The following BIRC6 variants were observed in gnomAD, a reference collection of about 807,000 sequenced individuals.
The protein encoded by BIRC6 is baculoviral IAP repeat containing 6, also known as dual E2 ubiquitin-conjugating enzyme/E3 ubiquitin-protein ligase BIRC6.
BIRC6 carries 98 observed loss-of-function variants against 503.3 expected under a neutral mutation model. The observed-to-expected ratio is 0.19, with a 90% CI of 0.17 to 0.23. BIRC6 has a LOEUF of 0.23. BIRC6 is among the 10% of genes least tolerant of loss of function. The pLI, the probability that BIRC6 is intolerant of heterozygous loss-of-function variation, is 1.00. For missense variants in BIRC6, 5,360 were observed against 5,806.0 expected (o/e 0.92, Z 2.50); for synonymous variants, 2,240 against 2,078.7 (o/e 1.08, Z -2.11).
At position 32,461,300 on chromosome 2, in the gene BIRC6, C is replaced by T. The variant is rs1054783939; in HGVS notation, c.4754-1894C>T. Among the ~76,000 whole-genome samples the T allele has an allele frequency of 1.4e-4, 21 of 150,108 alleles. No individual in the cohort carries two copies. The East Asian group carries it at 4.0e-3, about 28-fold the overall frequency. ...TCAAGTGTTTCTCATGCCTCAGCCT[C>T]CTGAGTAGCTGGGATTGGAGGCTTG... On this transcript the variant is annotated intron_variant, in intron 23 of 73. Coordinates refer to ENST00000421745, the MANE Select transcript of BIRC6 (RefSeq NM_016252.4).
intron 26 of BIRC6, 87 bp downstream of exon 26, chr2:32,465,251 T>A (rs2048421919): frequency 1.9e-4 from 28 of 146,186 alleles, no homozygotes; most frequent in South Asian, 1.8e-3. Context: ...TCAGTTCGAT[T>A]TTTTTTTTTT....
intron 71 of BIRC6, among the ~76,000 whole-genome samples, chr2:32,605,990 G>A (rs1364189778): frequency 1.3e-5 from 2 of 152,056 alleles, no homozygotes; most frequent in East Asian, 1.9e-4. Context: ...CGTTACTTTC[G>A]AGTACTCATT....
intron 10 of BIRC6, among the ~76,000 whole-genome samples, chr2:32,422,711 C>T (rs191153160): frequency 6.6e-6 from 1 of 152,094 alleles, no homozygotes; most frequent in African/African-American, 2.4e-5. Flanking sequence ...CAAACTCTAA[C>T]TAGTTTTGGG....
In BIRC6 at chr2:32,388,763, C is replaced by G. The variant is rs141023338; in HGVS notation, c.659C>G (p.Thr220Arg). 6.2e-7 allele frequency: 1 copy of G among 1,601,012 alleles called. No homozygotes were observed. Among genetic ancestry groups the G allele is most frequent in the East Asian group, 2.3e-5 (1 of 44,360 alleles). Reference sequence around the variant, plus strand: ...ATTTTCTTTCAGTGGGCCACAGTTACATTTCATCTTCCTCATCATGTGTTG... The same window carrying G: ...ATTTTCTTTCAGTGGGCCACAGTTAGATTTCATCTTCCTCATCATGTGTTG... Reference protein sequence around the residue: ...NHKVAKWATVTFHLPHHVLKS... With the variant: ...NHKVAKWATVRFHLPHHVLKS... Residue 220 changes from threonine to arginine, a missense_variant, in exon 4 of 74, where the codon ACA (threonine) becomes AGA (arginine). Thr to Arg is a moderately conservative substitution (Grantham distance 71). This residue lies in a region of BIRC6 where 134 missense variants were observed against 150.9 expected (regional missense o/e 0.89). Transcript: ENST00000421745.
chr2:32,409,563 GAAA>G (rs2041628002), intron 9 of BIRC6, among the ~76,000 whole-genome samples: 1 of 152,156 alleles, frequency 6.6e-6, no homozygotes, highest in Admixed American at 6.5e-5. Context: ...ACTGCATAGG[GAAA>G]AGTTTGGTAT....
chr2:32,598,400 A>G (rs181398350), intron 69 of BIRC6, among the ~76,000 whole-genome samples: 6 of 152,296 alleles, frequency 3.9e-5, no homozygotes, highest in African/African-American at 1.4e-4. Context: ...TTGTCATCCA[A>G]GATACTTCTC....
In BIRC6 at chr2:32,576,954, T is replaced by G. The variant is rs559101481; in HGVS notation, c.13355+1588T>G. Among the ~76,000 whole-genome samples the G allele has an allele frequency of 2.6e-4, 40 of 152,310 alleles. No individual in the cohort carries two copies. In the South Asian group the frequency reaches 8.1e-3, roughly 31 times the overall value. Reference sequence around the variant, plus strand: ...GGAAAATGTAAAGGTATATTTTCTTTGATAGTGTGATATTTTTTCTTTTGT... The same window carrying G: ...GGAAAATGTAAAGGTATATTTTCTTGGATAGTGTGATATTTTTTCTTTTGT... On this transcript the variant is annotated intron_variant, in intron 66 of 73. Transcript: ENST00000421745.
chr2:32,556,147 T>C (rs1319077711), intron 65 of BIRC6, among the ~76,000 whole-genome samples: 1 of 152,194 alleles, frequency 6.6e-6, no homozygotes, highest in Non-Finnish European at 1.5e-5. Flanking sequence ...CAACAAATGT[T>C]AATTCCTTTT....
At chr2:32,573,021 C>T (rs985309376) in intron 65 of BIRC6, among the ~76,000 whole-genome samples, 1 of 152,186 alleles carries the variant, frequency 6.6e-6, no homozygotes, top group Non-Finnish European at 1.5e-5. Flanking sequence ...GTTGGACTCC[C>T]ACAATTCTCC....
chr2:32,558,293 T>C (rs900884729), intron 65 of BIRC6, among the ~76,000 whole-genome samples: 1 of 150,908 alleles, frequency 6.6e-6, no homozygotes, highest in Non-Finnish European at 1.5e-5. Context: ...TAGGCTGATG[T>C]ATTTAATGTG....
In BIRC6 at chr2:32,443,497, C is replaced by T. The variant is rs137900404; in HGVS notation, c.4245C>T (p.Gly1415=). 34 of 1,599,902 alleles carry T rather than the reference C, an allele frequency of 2.1e-5. No homozygotes were observed. The highest frequency in any genetic ancestry group is 2.8e-5 in the Non-Finnish European group (33 of 1,173,914). Residue 1415 remains glycine, a synonymous_variant, in exon 20 of 74, where the codon GGC becomes GGT. Coordinates refer to ENST00000421745, the MANE Select transcript of BIRC6 (RefSeq NM_016252.4). The part of the protein sequence containing the change: ...ARFLALCISN[G]KCDPCQPAFG... Reference sequence around the variant, plus strand: ...CTTTTTAAAAATTTTTCAGTAATGGCAAATGTGACCCATGTCAACCAGCAT... The same window carrying T: ...CTTTTTAAAAATTTTTCAGTAATGGTAAATGTGACCCATGTCAACCAGCAT...
intron 34 of BIRC6, 108 bp downstream of exon 34, chr2:32,476,452 C>A (rs2049775627): frequency 3.3e-6 from 4 of 1,209,782 alleles, no homozygotes; most frequent in African/African-American, 1.6e-5. Flanking sequence ...AACAGAGAAG[C>A]CAACCTACTC....
chr2:32,418,562 A>C (rs1270089713), intron 10 of BIRC6, among the ~76,000 whole-genome samples: 1 of 152,224 alleles, frequency 6.6e-6, no homozygotes, highest in African/African-American at 2.4e-5. Context: ...AGATTTAAAA[A>C]TTGACAATTA....
intron 26 of BIRC6, among the ~76,000 whole-genome samples, chr2:32,467,080 C>G (rs1266529071): frequency 6.7e-6 from 1 of 149,040 alleles, no homozygotes; most frequent in Admixed American, 6.7e-5. Context: ...GATCGCGCCA[C>G]TGCACTCCAG....
intron 8 of BIRC6, 23 bp from the exon 9 acceptor site, chr2:32,406,476 T>G: frequency 6.4e-7 from 1 of 1,573,000 alleles, no homozygotes. Context: ...ATTCAAATTG[T>G]TTACTTTGTT....
In BIRC6 at chr2:32,414,909, G is replaced by A. The variant is rs146628985; in HGVS notation, c.1618G>A (p.Ala540Thr). ...DTVKDLEELG[A>T]NPCLTNSKSE... is the part of the protein sequence containing the mutation. Reference sequence around the variant, plus strand: ...TGTTAAGGATCTTGAAGAACTTGGGGCAAATCCTTGTTTAACAAACTCTAA... The same window carrying A: ...TGTTAAGGATCTTGAAGAACTTGGGACAAATCCTTGTTTAACAAACTCTAA... Residue 540 changes from alanine to threonine, a missense_variant, in exon 10 of 74, where the codon GCA becomes ACA. By Grantham distance (58) the Ala-to-Thr change is moderately conservative (BLOSUM62 0). Transcript: ENST00000421745. 6 of 1,613,808 alleles carry A rather than the reference G, an allele frequency of 3.7e-6. No homozygotes were observed. In the African/African-American group the frequency reaches 8.0e-5, roughly 22 times the overall value.
At position 32,447,150 on chromosome 2, in the gene BIRC6, C is replaced by T. The variant is rs1349126606; in HGVS notation, c.4484+1482C>T. 5.6e-3 allele frequency among the ~76,000 whole-genome samples: 819 copies of T among 146,936 alleles called. 6 individuals are homozygous for T. The highest frequency in any genetic ancestry group is 0.019 in the African/African-American group (725 of 38,668). On this transcript the variant is annotated intron_variant, in intron 21 of 73. Coordinates refer to ENST00000421745, the MANE Select transcript of BIRC6 (RefSeq NM_016252.4). ...AAAATGAAAAGTCTCCCATGTCTAC[C>T]TCTATCCACACAGACCCGGCAACCA...
intron 62 of BIRC6, among the ~76,000 whole-genome samples, 163 bp from the exon 63 acceptor site, chr2:32,545,480 A>T (rs944932684): frequency 2.8e-4 from 42 of 152,118 alleles, no homozygotes; most frequent in Admixed American, 2.7e-3. Context: ...TTCGTTATTA[A>T]ATTTTAAGAT....
chr2:32,489,328 G>A (rs944279617), intron 42 of BIRC6, among the ~76,000 whole-genome samples: 2 of 151,988 alleles, frequency 1.3e-5, no homozygotes, highest in Admixed American at 1.3e-4. Flanking sequence ...TCCAATGTGA[G>A]TGCCAGCTCC....
Sources: allele counts gnomAD v4.1 joint callset (sites outside exome capture counted in the v4.1 genomes callset), GRCh38; gene constraint gnomAD v4.1.1; regional missense constraint gnomAD v4.1.1; transcripts MANE v1.5; gene names NCBI Gene and HGNC (gene_info 2026-07-23, HGNC 2026-07-21).